DEPDC1B: variants seen among roughly 807,000 people sequenced by gnomAD.
DEPDC1B encodes the protein DEP domain containing 1B.
DEPDC1B carries 51 observed loss-of-function variants against 66.5 expected under a neutral mutation model. The observed-to-expected ratio is 0.77, with a 90% CI of 0.61 to 0.97. DEPDC1B has a LOEUF of 0.97. Ranked by LOEUF, DEPDC1B falls within the 50% of genes least tolerant of loss-of-function variation. The pLI is 0.00. For synonymous variants in DEPDC1B, 226 were observed against 223.6 expected (o/e 1.01, Z -0.10); for missense variants, 552 against 637.1 (o/e 0.87, Z 1.44).
chr5:60,651,556 A>C (rs1172098387), intron 2 of DEPDC1B, among the ~76,000 whole-genome samples: 1 of 152,010 alleles, frequency 6.6e-6, no homozygotes, highest in African/African-American at 2.4e-5. Context: ...AAACAAAAAA[A>C]AAACTAAAAA....
chr5:60,696,301 T>A (rs1407182101), intron 1 of DEPDC1B, among the ~76,000 whole-genome samples: 4 of 152,254 alleles, frequency 2.6e-5, no homozygotes, highest in Non-Finnish European at 5.9e-5. Flanking sequence ...AAAACATCTT[T>A]ATCAAAGTCT....
intron 2 of DEPDC1B, among the ~76,000 whole-genome samples, chr5:60,656,485 G>GATTT (rs1215797607): frequency 3.3e-5 from 5 of 151,954 alleles, no homozygotes. Context: ...CTGTCTTGAT[G>GATTT]ATTTGTTTAG....
intron 7 of DEPDC1B, among the ~76,000 whole-genome samples, chr5:60,612,835 C>T (rs1055141283): frequency 4.6e-5 from 7 of 151,922 alleles, no homozygotes; most frequent in East Asian, 1.9e-4. Context: ...AGGTCACATG[C>T]GAGCTAAGAA....
At chr5:60,666,051 A>G (rs1418836818) in intron 2 of DEPDC1B, among the ~76,000 whole-genome samples, 5 of 152,168 alleles carry the variant, frequency 3.3e-5, no homozygotes, top group Admixed American at 1.3e-4. Context: ...CGCGTTTGTT[A>G]CAGCTCGAGC....
chr5:60,612,166 T>C (rs1752425960), intron 7 of DEPDC1B, among the ~76,000 whole-genome samples: 1 of 152,136 alleles, frequency 6.6e-6, no homozygotes. Flanking sequence ...CTTATGCCTG[T>C]AATCCTAGCA....
intron 7 of DEPDC1B, among the ~76,000 whole-genome samples, chr5:60,619,997 C>G (rs1367482503): frequency 6.6e-6 from 1 of 152,200 alleles, no homozygotes; most frequent in African/African-American, 2.4e-5. Context: ...ATATCTACAA[C>G]TACCTGATCT....
At chr5:60,664,363 T>C (rs1466270832) in intron 2 of DEPDC1B, among the ~76,000 whole-genome samples, 1 of 152,136 alleles carries the variant, frequency 6.6e-6, no homozygotes, top group African/African-American at 2.4e-5. Context: ...GGGAAAGAGA[T>C]CTTACTGTGT....
At chr5:60,598,600 C>T (rs1470153563) in intron 10 of DEPDC1B, among the ~76,000 whole-genome samples, 1 of 152,156 alleles carries the variant, frequency 6.6e-6, no homozygotes, top group African/African-American at 2.4e-5. Flanking sequence ...TGTTCCCTAA[C>T]ATAAGAGGAA....
chr5:60,646,807 C>A (rs550570941), intron 3 of DEPDC1B, among the ~76,000 whole-genome samples: 1 of 152,210 alleles, frequency 6.6e-6, no homozygotes, highest in African/African-American at 2.4e-5. Context: ...CCTGTCAGAT[C>A]GGCCGCATTA....
At chr5:60,679,067 A>G (rs1257977019) in intron 2 of DEPDC1B, among the ~76,000 whole-genome samples, 1 of 152,232 alleles carries the variant, frequency 6.6e-6, no homozygotes, top group Non-Finnish European at 1.5e-5. Context: ...TGTATGAAGT[A>G]TAAGGTTTAT....
chr5:60,644,882 G>T lies in DEPDC1B; in HGVS notation c.579-7C>A, dbSNP rs1753274373. ...GCCAAGAATTTTCTGTAAGCTAAAA[G>T]ATAAGTAATTATATTAATTAGTTCT... On this transcript the variant is annotated splice_region_variant and splice_polypyrimidine_tract_variant and intron_variant, in intron 4 of 10. Coordinates refer to ENST00000265036, the MANE Select transcript of DEPDC1B (RefSeq NM_018369.3). The T allele has an allele frequency of 6.3e-7, 1 of 1,585,300 alleles. No homozygotes were observed. The highest frequency in any genetic ancestry group is 8.6e-7 in the Non-Finnish European group (1 of 1,164,014).
At chr5:60,616,698 G>A (rs2111763207) in intron 7 of DEPDC1B, among the ~76,000 whole-genome samples, 1 of 152,186 alleles carries the variant, frequency 6.6e-6, no homozygotes, top group East Asian at 1.9e-4. Context: ...ATGGAACCAA[G>A]TTGGAAAAAA....
chr5:60,647,788 A>T (rs1042782079), intron 2 of DEPDC1B: 4 of 232,614 alleles, frequency 1.7e-5, no homozygotes, highest in Non-Finnish European at 2.4e-5. Flanking sequence ...AATGCATTAC[A>T]TTGCACTGCA....
At chr5:60,616,680 C>T (rs371625284) in intron 7 of DEPDC1B, among the ~76,000 whole-genome samples, 26 of 152,106 alleles carry the variant, frequency 1.7e-4, no homozygotes, top group East Asian at 5.8e-4. Context: ...CTGAAAGTGA[C>T]GGGGAGAATG....
At chr5:60,647,992 T>A (rs1398820579) in intron 2 of DEPDC1B, 1 of 152,800 alleles carries the variant, frequency 6.5e-6, no homozygotes, top group East Asian at 1.9e-4. Context: ...AATTATAAAA[T>A]GTCTATAGTG....
intron 6 of DEPDC1B, among the ~76,000 whole-genome samples, chr5:60,639,916 C>G (rs1753149602): frequency 2.0e-5 from 3 of 152,172 alleles, no homozygotes; most frequent in Admixed American, 6.5e-5. Flanking sequence ...CCCAGAGGAT[C>G]AAAAGCAGCA....
intron 9 of DEPDC1B, among the ~76,000 whole-genome samples, 173 bp downstream of exon 9, chr5:60,603,218 T>C (rs1752236565): frequency 6.6e-6 from 1 of 152,176 alleles, no homozygotes; most frequent in Admixed American, 6.5e-5. Flanking sequence ...CTGTAAACTT[T>C]TCAATGATAA....
At chr5:60,670,951 A>G (rs1344795098) in intron 2 of DEPDC1B, among the ~76,000 whole-genome samples, 1 of 152,144 alleles carries the variant, frequency 6.6e-6, no homozygotes, top group East Asian at 1.9e-4. Context: ...GCATTTACAC[A>G]ATCGGGGCAG....
At chr5:60,677,149 G>T (rs1046259676) in intron 2 of DEPDC1B, among the ~76,000 whole-genome samples, 3 of 152,128 alleles carry the variant, frequency 2.0e-5, no homozygotes, top group African/African-American at 7.2e-5. Flanking sequence ...GAAAAAACTT[G>T]ATGACTAAAC....
Sources: allele counts gnomAD v4.1 joint callset (sites outside exome capture counted in the v4.1 genomes callset), GRCh38; gene constraint gnomAD v4.1.1; transcripts MANE v1.5; gene names NCBI Gene and HGNC (gene_info 2026-07-23, HGNC 2026-07-21).